The following PITPNC1 variants were observed in gnomAD, a reference collection of about 807,000 sequenced individuals.
The protein encoded by PITPNC1 is cytoplasmic phosphatidylinositol transfer protein 1.
Under a neutral mutation model 44.7 loss-of-function variants are expected in PITPNC1, and 18 were observed. The ratio of observed to expected loss-of-function variants is 0.40; its 90% CI spans 0.28 to 0.60. PITPNC1 has a LOEUF of 0.60. Ranked by LOEUF, PITPNC1 falls within the 20% of genes least tolerant of loss-of-function variation. The pLI is 0.39. For missense variants in PITPNC1, 290 were observed against 418.4 expected (o/e 0.69, Z 2.68); for synonymous variants, 141 against 149.6 (o/e 0.94, Z 0.42).
intron 4 of PITPNC1, among the ~76,000 whole-genome samples, chr17:67,576,748 G>A (rs149645705): frequency 1.7e-3 from 257 of 152,272 alleles, no homozygotes; most frequent in Non-Finnish European, 3.1e-3. Flanking sequence ...GGTTGCATTT[G>A]GGGTTTCTGT....
At chr17:67,400,054 T>C (rs2038284042) in intron 1 of PITPNC1, among the ~76,000 whole-genome samples, 1 of 152,192 alleles carries the variant, frequency 6.6e-6, no homozygotes, top group Non-Finnish European at 1.5e-5. Context: ...CATTGTCCAT[T>C]TGTGGGGAGT....
At chr17:67,586,282 G>A (rs1385369542) in intron 5 of PITPNC1, among the ~76,000 whole-genome samples, 1 of 152,064 alleles carries the variant, frequency 6.6e-6, no homozygotes, top group African/African-American at 2.4e-5. Flanking sequence ...TTTATTTGGG[G>A]ATAATTTTAA....
intron 1 of PITPNC1, among the ~76,000 whole-genome samples, chr17:67,431,532 A>G (rs1043099804): frequency 4.6e-5 from 7 of 152,156 alleles, no homozygotes; most frequent in African/African-American, 1.4e-4. Flanking sequence ...TGCAGTTTTT[A>G]AGTTGTGGTT....
chr17:67,541,638 A>G (rs1284406228), intron 2 of PITPNC1, among the ~76,000 whole-genome samples: 1 of 152,244 alleles, frequency 6.6e-6, no homozygotes, highest in Non-Finnish European at 1.5e-5. Flanking sequence ...GAATATTTTT[A>G]TCTGTTCCTA....
chr17:67,492,365 A>T (rs549753162), intron 1 of PITPNC1, among the ~76,000 whole-genome samples: 22 of 152,326 alleles, frequency 1.4e-4, no homozygotes, highest in Non-Finnish European at 2.8e-4. Context: ...ACAGACACAC[A>T]GGAAGGAAAC....
intron 4 of PITPNC1, among the ~76,000 whole-genome samples, chr17:67,560,588 C>T (rs2040894347): frequency 6.6e-6 from 1 of 152,192 alleles, no homozygotes; most frequent in Non-Finnish European, 1.5e-5. Context: ...GCAAACCAGC[C>T]TATTCACAGA....
chr17:67,607,484 G>A (rs542606172), intron 5 of PITPNC1, among the ~76,000 whole-genome samples: 1 of 152,216 alleles, frequency 6.6e-6, no homozygotes, highest in South Asian at 2.1e-4. Flanking sequence ...GCTCAATCTT[G>A]CTGCTTGCTC....
intron 5 of PITPNC1, among the ~76,000 whole-genome samples, chr17:67,626,703 C>A (rs2041899465): frequency 6.6e-6 from 1 of 151,982 alleles, no homozygotes; most frequent in Admixed American, 6.6e-5. Context: ...CTCCTGATTG[C>A]CAATGTAGGA....
chr17:67,662,220 G>A (rs2042359447), intron 6 of PITPNC1, among the ~76,000 whole-genome samples: 1 of 152,018 alleles, frequency 6.6e-6, no homozygotes. Flanking sequence ...CTGGGAAGCC[G>A]AGGCAGGTGT....
chr17:67,631,081 T>A (rs2041961126), intron 5 of PITPNC1, among the ~76,000 whole-genome samples: 1 of 147,182 alleles, frequency 6.8e-6, no homozygotes, highest in Admixed American at 6.9e-5. Context: ...ATTATTATTA[T>A]TATTATTATT....
At chr17:67,636,605 A>G (rs1389702888) in intron 6 of PITPNC1, among the ~76,000 whole-genome samples, 2 of 152,168 alleles carry the variant, frequency 1.3e-5, no homozygotes, top group African/African-American at 4.8e-5. Context: ...TACCACTGGG[A>G]GCCTGCAATA....
chr17:67,537,973 A>G (rs2040552879), intron 2 of PITPNC1, among the ~76,000 whole-genome samples: 1 of 152,004 alleles, frequency 6.6e-6, no homozygotes, highest in Non-Finnish European at 1.5e-5. Context: ...CTCCATCTCA[A>G]AAAGAAAAAA....
At chr17:67,644,425 ATTTTT>A (rs750245444) in intron 6 of PITPNC1, among the ~76,000 whole-genome samples, 15 of 109,046 alleles carry the variant, frequency 1.4e-4, no homozygotes, top group South Asian at 8.7e-4. Flanking sequence ...TCCCTCTGTA[ATTTTT>A]TTTTTTTTTT....
chr17:67,500,841 A>G (rs1264270727), intron 1 of PITPNC1, among the ~76,000 whole-genome samples: 2 of 149,498 alleles, frequency 1.3e-5, no homozygotes, highest in Non-Finnish European at 1.5e-5. Context: ...GCACACCACC[A>G]CACTTGACAA....
chr17:67,636,281 C>CA (rs4020398), intron 6 of PITPNC1, among the ~76,000 whole-genome samples: 2,297 of 76,442 alleles, frequency 0.03, 39 homozygotes, highest in South Asian at 0.039. Context: ...GACTCCGTTT[C>CA]AAAAAAAAAA....
intron 1 of PITPNC1, among the ~76,000 whole-genome samples, chr17:67,520,207 C>A (rs781230230): frequency 6.6e-6 from 1 of 152,112 alleles, no homozygotes; most frequent in Non-Finnish European, 1.5e-5. Context: ...CCTGGAAAGG[C>A]CTTGCTACCT....
At chr17:67,563,450 T>C (rs1361772982) in intron 4 of PITPNC1, among the ~76,000 whole-genome samples, 1 of 152,232 alleles carries the variant, frequency 6.6e-6, no homozygotes, top group African/African-American at 2.4e-5. Context: ...CATTTAACTT[T>C]CTTGATGTTA....
chr17:67,613,976 C>T (rs924742664), intron 5 of PITPNC1, among the ~76,000 whole-genome samples: 2 of 141,554 alleles, frequency 1.4e-5, no homozygotes, highest in Non-Finnish European at 3.0e-5. Flanking sequence ...TTCCCAGCAA[C>T]TCAGGAGACC....
intron 6 of PITPNC1, among the ~76,000 whole-genome samples, chr17:67,666,927 G>A (rs2042432045): frequency 6.6e-6 from 1 of 152,202 alleles, no homozygotes; most frequent in Non-Finnish European, 1.5e-5. Flanking sequence ...TTATTTGTAA[G>A]CAGCCTGCTT....
Sources: gnomAD v4.1 joint callset for allele counts (sites outside exome capture counted in the v4.1 genomes callset) on GRCh38, gnomAD v4.1.1 for gene constraint, MANE v1.5 for transcripts, NCBI Gene and HGNC (gene_info 2026-07-23, HGNC 2026-07-21) for gene names.